The following SH2D4B variants were observed in gnomAD, a reference collection of about 807,000 sequenced individuals.
SH2D4B encodes the protein SH2 domain containing 4B.
A neutral mutation model predicts 61.5 loss-of-function variants in SH2D4B; 45 were observed. The ratio of observed to expected loss-of-function variants is 0.73; its 90% CI spans 0.58 to 0.94. SH2D4B has a LOEUF of 0.94. SH2D4B is among the 40% of genes least tolerant of loss of function. The probability of loss-of-function intolerance (pLI) is 0.00; values close to 1 mark genes in which losing one functional copy is unlikely to be tolerated. For synonymous variants in SH2D4B, 224 were observed against 220.4 expected (o/e 1.02, Z -0.14); for missense variants, 572 against 574.2 (o/e 1.00, Z 0.04).
At chr10:80,633,874 G>T (rs1412153883) in intron 6 of SH2D4B, among the ~76,000 whole-genome samples, 4 of 152,218 alleles carry the variant, frequency 2.6e-5, no homozygotes, top group Admixed American at 2.6e-4. Flanking sequence ...TTAGTCATCA[G>T]CAGCCATTCT....
intron 5 of SH2D4B, among the ~76,000 whole-genome samples, chr10:80,605,159 C>T (rs578241544): frequency 7.6e-4 from 102 of 135,030 alleles, no homozygotes; most frequent in Non-Finnish European, 1.3e-3. Flanking sequence ...AGGCCTTATT[C>T]CTCCTCTTTT....
At position 80,538,595 on chromosome 10, in the gene SH2D4B, T is replaced by A; in HGVS notation, c.184+80T>A. 4 of 1,172,230 alleles carry A rather than the reference T, an allele frequency of 3.4e-6. No homozygotes were observed. The highest frequency in any genetic ancestry group is 2.8e-5 in the South Asian group (1 of 35,278). The allele number at this position is 1,172,230 out of a possible 1,614,324, so 72.6% of individuals were successfully genotyped here. ...AAATTAGCAGGGCCAGGCTGTGCCC[T>A]TCTTCAAGATGGGCACTGGGGTGAT... On this transcript the variant is annotated intron_variant, in intron 1 of 7. Transcript: ENST00000646907. The surrounding 1 kb of genome is among the most constrained non-coding windows in gnomAD (Gnocchi z 4.8).
At chr10:80,585,921 G>A (rs7081662) in intron 3 of SH2D4B, among the ~76,000 whole-genome samples, 1,710 of 152,222 alleles carry the variant, frequency 0.011, 34 homozygotes, top group African/African-American at 0.038. Flanking sequence ...GCGCTTGCGG[G>A]CCAGCTGGAT....
At chr10:80,590,266 G>T (rs1456878076) in intron 4 of SH2D4B, among the ~76,000 whole-genome samples, 1 of 152,182 alleles carries the variant, frequency 6.6e-6, no homozygotes, top group Non-Finnish European at 1.5e-5. Context: ...GCATCATCTG[G>T]CAGTGGGGTG....
At chr10:80,637,285 C>T (rs1840199242) in intron 7 of SH2D4B, among the ~76,000 whole-genome samples, 1 of 152,040 alleles carries the variant, frequency 6.6e-6, no homozygotes, top group Non-Finnish European at 1.5e-5. Flanking sequence ...TTTTTTGGTT[C>T]CATATGAACT....
At chr10:80,586,393 C>A (rs1464672166) in intron 3 of SH2D4B, among the ~76,000 whole-genome samples, 1 of 142,680 alleles carries the variant, frequency 7.0e-6, no homozygotes, top group African/African-American at 2.8e-5. Context: ...TGTAAATACA[C>A]CAATCGGCAC....
intron 5 of SH2D4B, among the ~76,000 whole-genome samples, chr10:80,604,060 T>G (rs1343813867): frequency 6.6e-6 from 1 of 152,240 alleles, no homozygotes; most frequent in Non-Finnish European, 1.5e-5. Flanking sequence ...GCGGTGTACC[T>G]TCTTCCCCCT....
At chr10:80,542,079 T>G (rs937140535) in intron 1 of SH2D4B, among the ~76,000 whole-genome samples, 1 of 152,302 alleles carries the variant, frequency 6.6e-6, no homozygotes, top group African/African-American at 2.4e-5. Flanking sequence ...CAAAGTTCGT[T>G]GTCCAGTATA....
intron 7 of SH2D4B, among the ~76,000 whole-genome samples, chr10:80,641,690 C>T (rs1436159443): frequency 2.0e-5 from 3 of 152,216 alleles, no homozygotes; most frequent in Admixed American, 2.0e-4. Flanking sequence ...CTCCTTGTCC[C>T]TGGAAGTGTT....
chr10:80,581,596 G>A (rs1842185052), intron 3 of SH2D4B, among the ~76,000 whole-genome samples: 1 of 152,156 alleles, frequency 6.6e-6, no homozygotes, highest in Non-Finnish European at 1.5e-5. Context: ...GAGTGACACA[G>A]CAAGAAGGCA....
chr10:80,598,057 C>T (rs986083412), intron 4 of SH2D4B, among the ~76,000 whole-genome samples: 2 of 152,174 alleles, frequency 1.3e-5, no homozygotes, highest in Admixed American at 6.5e-5. Context: ...AGTTGTCACC[C>T]GAAGCTACTG....
At chr10:80,566,007 C>G (rs897026018) in intron 1 of SH2D4B, among the ~76,000 whole-genome samples, 1 of 134,918 alleles carries the variant, frequency 7.4e-6, no homozygotes, top group Non-Finnish European at 1.5e-5. Flanking sequence ...AGGAAGATGG[C>G]GTGAACCCAG....
At chr10:80,619,635 G>A (rs763094313) in intron 6 of SH2D4B, among the ~76,000 whole-genome samples, 1 of 152,208 alleles carries the variant, frequency 6.6e-6, no homozygotes, top group Non-Finnish European at 1.5e-5. Context: ...AGCCACTGTG[G>A]TCCTATCATC....
At chr10:80,598,835 C>A (rs1355926335) in intron 4 of SH2D4B, among the ~76,000 whole-genome samples, 1 of 151,476 alleles carries the variant, frequency 6.6e-6, no homozygotes, top group African/African-American at 2.4e-5. Context: ...TCTAGTTGCC[C>A]AGAGATTTAG....
intron 5 of SH2D4B, among the ~76,000 whole-genome samples, chr10:80,609,028 G>T (rs971317936): frequency 6.6e-6 from 1 of 152,080 alleles, no homozygotes; most frequent in Non-Finnish European, 1.5e-5. Flanking sequence ...ATCCATGCTG[G>T]TATTTATGCC....
At chr10:80,543,426 A>C (rs1447415657) in intron 1 of SH2D4B, among the ~76,000 whole-genome samples, 1 of 151,742 alleles carries the variant, frequency 6.6e-6, no homozygotes, top group Non-Finnish European at 1.5e-5. Context: ...TCAATTTCTC[A>C]CCGGGCCTTA....
intron 1 of SH2D4B, among the ~76,000 whole-genome samples, chr10:80,553,257 T>A (rs565602268): frequency 5.3e-5 from 8 of 152,308 alleles, no homozygotes; most frequent in African/African-American, 1.7e-4. Flanking sequence ...ACTGGTGTGC[T>A]TTTTTTCTGG....
At position 80,602,530 on chromosome 10, in the gene SH2D4B, G is replaced by C. The variant is rs146315942; in HGVS notation, c.644-1049G>C. ...AAGACAGAGGGCTAGAGAGCGGGGT[G>C]TCTTGGAGTCTCGTAAGCTGTTAGA... On this transcript the variant is annotated intron_variant, in intron 4 of 7. Coordinates refer to ENST00000646907, the MANE Select transcript of SH2D4B (RefSeq NM_001388272.1). Among the ~76,000 whole-genome samples, 470 of 152,312 alleles carry C rather than the reference G, an allele frequency of 3.1e-3. 1 individual carries two copies. Among genetic ancestry groups the C allele is most frequent in the African/African-American group, 0.011 (454 of 41,564 alleles).
At chr10:80,606,660 C>T (rs1467263353) in intron 5 of SH2D4B, among the ~76,000 whole-genome samples, 2 of 152,160 alleles carry the variant, frequency 1.3e-5, no homozygotes, top group Non-Finnish European at 2.9e-5. Context: ...TTACATTTAT[C>T]TTTTAATGAT....
Sources: gnomAD v4.1 joint callset for allele counts (sites outside exome capture counted in the v4.1 genomes callset) on GRCh38, gnomAD v4.1.1 for gene constraint, Gnocchi (gnomAD v3.1) non-coding constraint, MANE v1.5 for transcripts, NCBI Gene and HGNC (gene_info 2026-07-23, HGNC 2026-07-21) for gene names.